DIP2B: variants seen among roughly 807,000 people sequenced by gnomAD.
DIP2B encodes the protein disco-interacting protein 2 homolog B.
Under a neutral mutation model 198.0 loss-of-function variants are expected in DIP2B, and 76 were observed. The ratio of observed to expected loss-of-function variants is 0.38; its 90% confidence interval spans 0.32 to 0.46. The LOEUF is 0.46. DIP2B is among the 20% of genes least tolerant of loss of function. The pLI is 0.99. For synonymous variants in DIP2B, 701 were observed against 739.1 expected, an observed-to-expected ratio of 0.95 and a Z score of 0.84; for missense variants, 1,559 against 1,978.4, an observed-to-expected ratio of 0.79 and a Z score of 4.02.
At chr12:50,717,896 C>CTTTTTTTTTTTTTTT in intron 23 of DIP2B, among the ~76,000 whole-genome samples, 1 of 87,054 alleles carries the variant, frequency 1.1e-5, no homozygotes, top group Non-Finnish European at 2.1e-5. Flanking sequence ...CCATTATTCA[C>CTTTTTTTTTTTTTTT]TTTTTTTTTT....
At position 50,708,021 on chromosome 12, in the gene DIP2B, G is replaced by A. The variant is rs75764891; in HGVS notation, c.2535-427G>A. 2.6e-3 allele frequency among the ~76,000 whole-genome samples: 394 copies of A among 151,614 alleles called. 1 individual carries two copies. Among genetic ancestry groups the A allele is most frequent in the African/African-American group, 9.0e-3 (372 of 41,332 alleles). ...CGGAAACCTCTTCCTCCAGATCTTC[G>A]CGTGGCTCGCGTCCTCACCTCATTC... On this transcript the variant is annotated intron_variant, in intron 21 of 37. Transcript: ENST00000301180.
At chr12:50,686,933 CT>C (rs1229400783) in intron 12 of DIP2B, 5 of 350,652 alleles carry the variant, frequency 1.4e-5, no homozygotes, top group African/African-American at 1.1e-4. Context: ...TTACAAAAGA[CT>C]TTAGGGAAGT....
At position 50,595,368 on chromosome 12, in the gene DIP2B, A is replaced by G. The variant is rs1242112137; in HGVS notation, c.101-30608A>G. Among the ~76,000 whole-genome samples the G allele has an allele frequency of 3.9e-5, 6 of 152,150 alleles. 1 individual carries two copies. Among genetic ancestry groups the G allele is most frequent in the Non-Finnish European group, 8.8e-5 (6 of 68,026 alleles). On this transcript the variant is annotated intron_variant, in intron 1 of 37. Coordinates refer to ENST00000301180, the MANE Select transcript of DIP2B (RefSeq NM_173602.3). ...ACTCTGTCACCAGGGCTAGAGAGCA[A>G]TGGCTCCCGATCACAGCTTAGCTCA...
At chr12:50,651,018 A>G (rs1450627204) in intron 3 of DIP2B, among the ~76,000 whole-genome samples, 1 of 152,224 alleles carries the variant, frequency 6.6e-6, no homozygotes, top group African/African-American at 2.4e-5. Flanking sequence ...GATGTAAGTA[A>G]GGTATGGCCG....
intron 1 of DIP2B, among the ~76,000 whole-genome samples, chr12:50,510,067 A>T (rs991560456): frequency 6.6e-6 from 1 of 152,192 alleles, no homozygotes; most frequent in Non-Finnish European, 1.5e-5. Flanking sequence ...CAATTCTTTG[A>T]GGGTAAAGTT....
chr12:50,542,662 C>G (rs1372115706), intron 1 of DIP2B, among the ~76,000 whole-genome samples: 2 of 152,182 alleles, frequency 1.3e-5, no homozygotes, highest in Non-Finnish European at 2.9e-5. Context: ...TAAATCCTGT[C>G]TGGATTTTAG....
rs1438408937 is a variant in DIP2B, at chr12:50,516,245, CTATCTCTA to C, written c.100+11007_100+11014del. On this transcript the variant is annotated intron_variant, in intron 1 of 37. Coordinates refer to ENST00000301180, the MANE Select transcript of DIP2B (RefSeq NM_173602.3). The stretch of plus-strand genomic sequence containing the variant: ...TCTCTCTCTCTCTCTCTCTCTCTCT[CTATCTCTA>C]TCTCTATCTCTATCTCTATATCGAG... Among the ~76,000 whole-genome samples the C allele has an allele frequency of 7.3e-4, 103 of 140,766 alleles. 2 individuals are homozygous for C. The highest frequency in any genetic ancestry group is 2.7e-3 in the African/African-American group (98 of 36,864). The allele number at this position is 140,766 out of a possible 152,430, so 92.3% of individuals were successfully genotyped here. A position where few individuals can be genotyped will look rare whatever the true frequency, so the allele number is the denominator to read the frequency against.
At chr12:50,718,849 A>C (rs1379117502) in intron 24 of DIP2B, 31 bp downstream of exon 24, 1 of 1,612,252 alleles carries the variant, frequency 6.2e-7, no homozygotes. Context: ...ACCTTCTTAC[A>C]GTCAAGTCAA....
intron 1 of DIP2B, among the ~76,000 whole-genome samples, chr12:50,511,291 A>ATTGTTTTTTTT (rs1958013678): frequency 1.5e-5 from 1 of 64,664 alleles, no homozygotes; most frequent in African/African-American, 6.0e-5. Flanking sequence ...TGTGATTTCT[A>ATTGTTTTTTTT]TTTTTTTTTT....
chr12:50,628,817 GTAT>G lies in DIP2B; in HGVS notation c.172+2772_172+2774del, dbSNP rs1937986720. Among the ~76,000 whole-genome samples, 8 of 152,236 alleles carry G rather than the reference GTAT, an allele frequency of 5.3e-5. No homozygotes were observed. In the South Asian group the frequency reaches 1.7e-3, roughly 32 times the overall value. ...GAGCTATTGCCATCTAATCTCAGTA[GTAT>G]TCAGCACCCTGTCTCTCAAAACTCT... On this transcript the variant is annotated intron_variant, in intron 2 of 37. Coordinates refer to ENST00000301180, the MANE Select transcript of DIP2B (RefSeq NM_173602.3).
Position 50,697,127 on chromosome 12 carries a change from T to C in DIP2B, c.2000T>C (p.Ile667Thr). ...FQSHGLKPEA[I>T]CPCATSAEAM... ...AGTCATGGACTGAAGCCTGAGGCCATCTGTCCGTGCGCCACGTCTGCTGAA... is the reference window on the plus strand; with the variant it reads ...AGTCATGGACTGAAGCCTGAGGCCACCTGTCCGTGCGCCACGTCTGCTGAA... Residue 667 changes from isoleucine to threonine, a missense_variant, in exon 17 of 38, where the codon ATC becomes ACC. Ile to Thr is a moderately conservative substitution (Grantham distance 89). Coordinates refer to ENST00000301180, the MANE Select transcript of DIP2B (RefSeq NM_173602.3). The C allele has an allele frequency of 6.2e-7, 1 of 1,614,104 alleles. No homozygotes were observed. The highest frequency in any genetic ancestry group is 8.5e-7 in the Non-Finnish European group (1 of 1,179,982).
intron 7 of DIP2B, 143 bp from the exon 8 acceptor site, chr12:50,678,536 C>A: frequency 1.2e-6 from 1 of 858,364 alleles, no homozygotes; most frequent in Non-Finnish European, 1.8e-6. Context: ...TGTGGACCAC[C>A]ATTTCTAACC....
At chr12:50,515,659 G>A (rs1385692836) in intron 1 of DIP2B, among the ~76,000 whole-genome samples, 1 of 152,040 alleles carries the variant, frequency 6.6e-6, no homozygotes, top group African/African-American at 2.4e-5. Context: ...CCTGATGAGG[G>A]TATTCCTCAG....
intron 3 of DIP2B, among the ~76,000 whole-genome samples, chr12:50,645,297 C>T (rs1179989218): frequency 6.6e-6 from 1 of 151,984 alleles, no homozygotes; most frequent in Non-Finnish European, 1.5e-5. Context: ...TATAAACAGT[C>T]GTGTGCACAA....
chr12:50,647,962 C>T (rs953239623), intron 3 of DIP2B, among the ~76,000 whole-genome samples: 18 of 152,084 alleles, frequency 1.2e-4, no homozygotes, highest in African/African-American at 3.1e-4. Context: ...AAAAATTAGC[C>T]AGGCGTGGTG....
chr12:50,599,445 G>A (rs1958917173), intron 1 of DIP2B, among the ~76,000 whole-genome samples: 1 of 152,106 alleles, frequency 6.6e-6, no homozygotes, highest in Admixed American at 6.5e-5. Flanking sequence ...GTGAAACCCT[G>A]TCTCTACTGA....
intron 4 of DIP2B, among the ~76,000 whole-genome samples, chr12:50,660,885 T>A (rs999426531): frequency 2.6e-5 from 4 of 152,182 alleles, no homozygotes; most frequent in Non-Finnish European, 5.9e-5. Flanking sequence ...TTATTTATTT[T>A]TTAAGAATCT....
chr12:50,618,605 G>A (rs1247018676), intron 1 of DIP2B, among the ~76,000 whole-genome samples: 2 of 152,210 alleles, frequency 1.3e-5, no homozygotes, highest in Non-Finnish European at 2.9e-5. Context: ...TTTAAGAGCA[G>A]GGGCTCTGGA....
At chr12:50,741,992 A>T (rs1222239719) in intron 37 of DIP2B, among the ~76,000 whole-genome samples, 2 of 152,196 alleles carry the variant, frequency 1.3e-5, no homozygotes, top group Non-Finnish European at 2.9e-5. Flanking sequence ...GCAGATGAAA[A>T]GGGTAGTTGA....
Sources: allele counts gnomAD v4.1 joint callset (sites outside exome capture counted in the v4.1 genomes callset), GRCh38; gene constraint gnomAD v4.1.1; transcripts MANE v1.5; gene names NCBI Gene and HGNC (gene_info 2026-07-23, HGNC 2026-07-21).